The following MSH3 variants were observed in gnomAD, a reference collection of about 807,000 sequenced individuals.
The protein encoded by MSH3 is DNA mismatch repair protein Msh3.
A neutral mutation model predicts 123.3 loss-of-function variants in MSH3; 106 were observed. The observed-to-expected ratio is 0.86, with a 90% CI of 0.73 to 1.01. The LOEUF (loss-of-function observed/expected upper bound fraction) is 1.01. MSH3 is among the 50% of genes least tolerant of loss of function. MSH3 has a pLI of 0.00. For synonymous variants in MSH3, 515 were observed against 481.4 expected, an observed-to-expected ratio of 1.07 and a Z score of -0.91; for missense variants, 1,459 against 1,347.6, an observed-to-expected ratio of 1.08 and a Z score of -1.29.
chr5:80,758,695 C>T (rs932967700), intron 12 of MSH3, among the ~76,000 whole-genome samples: 1 of 152,134 alleles, frequency 6.6e-6, no homozygotes, highest in Non-Finnish European at 1.5e-5. Flanking sequence ...TTGGCCTAAC[C>T]TTTCAAGTCT....
intron 10 of MSH3, among the ~76,000 whole-genome samples, chr5:80,729,285 G>A (rs961235404): frequency 6.6e-6 from 1 of 151,442 alleles, no homozygotes; most frequent in Admixed American, 6.6e-5. Context: ...CGTGGTGGTG[G>A]GCGCCTGTAG....
chr5:80,852,405 A>G (rs531491858), intron 20 of MSH3, among the ~76,000 whole-genome samples: 1 of 152,244 alleles, frequency 6.6e-6, no homozygotes, highest in South Asian at 2.1e-4. Context: ...ACCCCCCAAA[A>G]TATTTCCCTC....
intron 10 of MSH3, among the ~76,000 whole-genome samples, chr5:80,731,622 C>T (rs1265654194): frequency 1.3e-5 from 2 of 151,882 alleles, no homozygotes; most frequent in Non-Finnish European, 2.9e-5. Context: ...TCATTGGAAA[C>T]CAAGATTAAT....
intron 15 of MSH3, among the ~76,000 whole-genome samples, chr5:80,772,979 C>A (rs1431739183): frequency 6.6e-6 from 1 of 152,282 alleles, no homozygotes; most frequent in African/African-American, 2.4e-5. Flanking sequence ...ACTGTATTGG[C>A]TCTGTGTATG....
chr5:80,838,623 A>T (rs1179150917), intron 20 of MSH3, among the ~76,000 whole-genome samples: 1 of 152,154 alleles, frequency 6.6e-6, no homozygotes, highest in African/African-American at 2.4e-5. Context: ...ACTTTTTGCT[A>T]TATCATTGTG....
At chr5:80,790,621 T>C (rs1744590699) in intron 18 of MSH3, among the ~76,000 whole-genome samples, 1 of 152,198 alleles carries the variant, frequency 6.6e-6, no homozygotes, top group South Asian at 2.1e-4. Flanking sequence ...GAGAAATCAC[T>C]ATCACGTCAT....
chr5:80,755,937 G>C lies in MSH3; in HGVS notation c.1764-5609G>C, dbSNP rs148389946. 1.1e-4 allele frequency among the ~76,000 whole-genome samples: 17 copies of C among 152,160 alleles called. No homozygotes were observed. In the East Asian group the frequency reaches 3.1e-3, roughly 28 times the overall value. ...ACAGGCCCTCCCTCATAGATTTTCAGTTTCAATTTATACTCTGTGTGGTCT... is the reference window on the plus strand; with the variant it reads ...ACAGGCCCTCCCTCATAGATTTTCACTTTCAATTTATACTCTGTGTGGTCT... On this transcript the variant is annotated intron_variant, in intron 12 of 23. Transcript: ENST00000265081.
intron 8 of MSH3, among the ~76,000 whole-genome samples, chr5:80,693,766 T>C (rs940209553): frequency 2.6e-5 from 4 of 152,096 alleles, no homozygotes; most frequent in African/African-American, 9.7e-5. Context: ...CAAGTAATTC[T>C]CCTGCCTCAG....
chr5:80,847,838 G>T (rs1414863646), intron 20 of MSH3, among the ~76,000 whole-genome samples: 2 of 152,124 alleles, frequency 1.3e-5, no homozygotes, highest in African/African-American at 4.8e-5. Context: ...GTTAGGACAT[G>T]GTCTCCGTGT....
chr5:80,854,397 A>T, intron 21 of MSH3, 81 bp downstream of exon 21: 1 of 1,265,886 alleles, frequency 7.9e-7, no homozygotes, highest in Non-Finnish European at 1.1e-6. Context: ...ATTGTGCCAT[A>T]TTTATGGGGT....
intron 20 of MSH3, among the ~76,000 whole-genome samples, chr5:80,815,677 C>T (rs952608469): frequency 2.0e-5 from 3 of 152,058 alleles, no homozygotes; most frequent in African/African-American, 7.2e-5. Flanking sequence ...CCCCCACACC[C>T]TTTTTTTAAA....
At chr5:80,726,249 A>G (rs1388296429) in intron 9 of MSH3, among the ~76,000 whole-genome samples, 1 of 152,194 alleles carries the variant, frequency 6.6e-6, no homozygotes, top group African/African-American at 2.4e-5. Flanking sequence ...CCCTCTTGGC[A>G]TAAACTTGGC....
At chr5:80,787,842 T>G (rs763122403) in intron 18 of MSH3, among the ~76,000 whole-genome samples, 170 bp downstream of exon 18, 1 of 152,242 alleles carries the variant, frequency 6.6e-6, no homozygotes, top group African/African-American at 2.4e-5. Context: ...AATTCATTTC[T>G]TGCTTCCTCT....
intron 21 of MSH3, among the ~76,000 whole-genome samples, chr5:80,861,809 T>A (rs1041303852): frequency 6.6e-6 from 1 of 152,136 alleles, no homozygotes; most frequent in African/African-American, 2.4e-5. Context: ...CCATTTCAGC[T>A]CAGGAAAGTT....
At chr5:80,767,665 T>C (rs888923118) in intron 13 of MSH3, among the ~76,000 whole-genome samples, 1 of 152,144 alleles carries the variant, frequency 6.6e-6, no homozygotes, top group Non-Finnish European at 1.5e-5. Context: ...CTATTTTTGC[T>C]ATATGGTTTA....
intron 8 of MSH3, among the ~76,000 whole-genome samples, chr5:80,689,426 G>T (rs531612778): frequency 4.7e-4 from 72 of 152,024 alleles, no homozygotes; most frequent in African/African-American, 1.6e-3. Context: ...AGTGAAAAAA[G>T]TCTATTTTAA....
intron 20 of MSH3, 28 bp from the exon 21 acceptor site, chr5:80,854,102 A>T (rs776482245): frequency 6.3e-7 from 1 of 1,586,990 alleles, no homozygotes; most frequent in Non-Finnish European, 8.6e-7. Context: ...TGAAGAGGAA[A>T]ATCAAGGTGT....
intron 19 of MSH3, among the ~76,000 whole-genome samples, chr5:80,801,360 T>G (rs1255891150): frequency 6.6e-6 from 1 of 152,160 alleles, no homozygotes; most frequent in Non-Finnish European, 1.5e-5. Context: ...GACCTCCTGA[T>G]TCTTCAGTCT....
intron 8 of MSH3, among the ~76,000 whole-genome samples, chr5:80,708,826 G>A (rs1260734344): frequency 2.0e-5 from 3 of 152,122 alleles, no homozygotes; most frequent in Admixed American, 1.3e-4. Flanking sequence ...CCAGGCTGGA[G>A]TGTGGTGGCA....
Sources: allele counts gnomAD v4.1 joint callset (sites outside exome capture counted in the v4.1 genomes callset), GRCh38; gene constraint gnomAD v4.1.1; transcripts MANE v1.5; gene names NCBI Gene and HGNC (gene_info 2026-07-23, HGNC 2026-07-21).